ZSCAN21: variants seen among roughly 807,000 people sequenced by gnomAD.
ZSCAN21 encodes zinc finger and SCAN domain containing 21, also known as zinc finger and SCAN domain-containing protein 21.
A neutral mutation model predicts 35.6 loss-of-function variants in ZSCAN21; 26 were observed. The observed-to-expected ratio is 0.73, with a 90% confidence interval of 0.54 to 1.01. The LOEUF (loss-of-function observed/expected upper bound fraction) is 1.01. Among genes scored for constraint, ZSCAN21 ranks in the 50% least tolerant of loss-of-function variants. The probability of loss-of-function intolerance (pLI) is 0.00; values close to 1 mark genes in which losing one functional copy is unlikely to be tolerated. For synonymous variants in ZSCAN21, 219 were observed against 219.3 expected (o/e 1.00, Z 0.01); for missense variants, 593 against 587.1 (o/e 1.01, Z -0.10).
Position 100,063,897 on chromosome 7 carries a change from G to T in ZSCAN21, c.702G>T (p.Glu234Asp). The T allele has an allele frequency of 6.2e-7, 1 of 1,614,070 alleles. No homozygotes were observed. Among genetic ancestry groups the T allele is most frequent in the South Asian group, 1.1e-5 (1 of 91,084 alleles). The part of the protein sequence containing the change: ...IISVIIANKP[E>D]ASLERQCVNL... ...CTGTGATTATCGCCAATAAACCTGA[G>T]GCCAGCTTAGAGAGGCAGTGCGTAA... The change falls in exon 4 of 4, where the codon GAG (glutamate) becomes GAT (aspartate). Residue 234 changes from glutamate to aspartate, a missense_variant. Glu to Asp is a conservative substitution (Grantham distance 45). Transcript: ENST00000292450.
At position 100,064,578 on chromosome 7, in the gene ZSCAN21, A is replaced by G. The variant is rs186209214; in HGVS notation, c.1383A>G (p.Lys461=). Residue 461 remains lysine, a synonymous_variant, in exon 4 of 4, where the codon AAA becomes AAG. Transcript: ENST00000292450. ...KTFCSKSNLS[K]HQRVHTGEGE... The stretch of plus-strand genomic sequence containing the variant: ...TCTGTAGCAAGTCCAATCTTTCCAA[A>G]CATCAGCGAGTCCACACTGGAGAGG... 6.4e-4 allele frequency: 1,030 copies of G among 1,614,200 alleles called. 6 individuals carry two copies. Among genetic ancestry groups the G allele is most frequent in the Non-Finnish European group, 1.7e-4 (199 of 1,180,026 alleles).
intron 3 of ZSCAN21, among the ~76,000 whole-genome samples, chr7:100,060,679 C>T (rs1792252783): frequency 6.6e-6 from 1 of 150,728 alleles, no homozygotes; most frequent in African/African-American, 2.4e-5. Context: ...CCAGCCTGGC[C>T]AACATAGTGA....
At chr7:100,050,438 G>A (rs1037470762) in intron 1 of ZSCAN21, among the ~76,000 whole-genome samples, 2 of 152,204 alleles carry the variant, frequency 1.3e-5, no homozygotes, top group African/African-American at 4.8e-5. Flanking sequence ...CAGGCGCGGT[G>A]GCTCACGCCT....
In ZSCAN21 at chr7:100,064,923, A is replaced by C. The variant is rs370786553; in HGVS notation, c.*306A>C. 13 of 1,612,628 alleles carry C rather than the reference A, an allele frequency of 8.1e-6. No individual in the cohort carries two copies. The highest frequency in any genetic ancestry group is 1.1e-5 in the Non-Finnish European group (13 of 1,179,498). ...AGACGTGTATCCAGTCTAGTTAAGG[A>C]AGAAACATTAAGATTGTTTAATTTT... On this transcript the variant is annotated 3_prime_UTR_variant, in exon 4 of 4. Transcript: ENST00000292450.
chr7:100,064,506 C>T lies in ZSCAN21; in HGVS notation c.1311C>T (p.Ile437=), dbSNP rs372210258. 1.2e-5 allele frequency: 20 copies of T among 1,613,976 alleles called. No individual in the cohort carries two copies. Among genetic ancestry groups the T allele is most frequent in the Non-Finnish European group, 1.7e-5 (20 of 1,180,026 alleles). The change falls in exon 4 of 4, where the codon ATC becomes ATT. Residue 437 remains isoleucine, a synonymous_variant. Coordinates refer to ENST00000292450, the MANE Select transcript of ZSCAN21 (RefSeq NM_145914.3). ...HSSNFNKHHR[I]HTGEKPYWCH... ...CCAACTTCAATAAACACCACAGAAT[C>T]CACACCGGGGAAAAGCCCTACTGGT...
Position 100,051,178 on chromosome 7 carries a change from C to CAAAAAAAAAAAAAAAAAAAAAAAA in ZSCAN21, c.-97+1339_-97+1362dup, listed in dbSNP as rs369246193. 1.7e-3 allele frequency among the ~76,000 whole-genome samples: 70 copies of CAAAAAAAAAAAAAAAAAAAAAAAA among 41,360 alleles called. 2 individuals carry two copies. Among genetic ancestry groups the CAAAAAAAAAAAAAAAAAAAAAAAA allele is most frequent in the Non-Finnish European group, 2.2e-3 (50 of 23,128 alleles). 27.1% of individuals were successfully genotyped at this position (41,360 alleles called of 152,430 possible). ...GGGAAACAAGAGTGAAACTACGTCT[C>CAAAAAAAAAAAAAAAAAAAAAAAA]AAAAAAAAAAAAAAAAAAAAAAAAA... On this transcript the variant is annotated intron_variant, in intron 1 of 3. Coordinates refer to ENST00000292450, the MANE Select transcript of ZSCAN21 (RefSeq NM_145914.3).
Position 100,064,873 on chromosome 7 carries a change from A to G in ZSCAN21, c.*256A>G, listed in dbSNP as rs1255278612. The G allele has an allele frequency of 6.2e-7, 1 of 1,607,922 alleles. No homozygotes were observed. The highest frequency in any genetic ancestry group is 1.1e-5 in the South Asian group (1 of 90,700). ...ACTTAGGGTCCCAGTAAGCCATGCC[A>G]GCATTACCTTTTGCGTAGTTAAACA... is the stretch of plus-strand genomic sequence containing the variant. On this transcript the variant is annotated 3_prime_UTR_variant, in exon 4 of 4. Transcript: ENST00000292450.
At chr7:100,059,777 T>A (rs1344935888) in intron 3 of ZSCAN21, among the ~76,000 whole-genome samples, 2 of 151,770 alleles carry the variant, frequency 1.3e-5, no homozygotes, top group African/African-American at 4.8e-5. Flanking sequence ...TGGCGCTATA[T>A]CGGCTCACCG....
intron 3 of ZSCAN21, among the ~76,000 whole-genome samples, chr7:100,059,268 A>G (rs1418432678): frequency 6.6e-6 from 1 of 152,250 alleles, no homozygotes; most frequent in Admixed American, 6.5e-5. Context: ...TAAATTCTTC[A>G]TGGTTTATGG....
In ZSCAN21 at chr7:100,057,102, A is replaced by C; in HGVS notation, c.96A>C (p.Glu32Asp). ...TGATGGTAAAAGTCGAGGAGAAAGAAGAGAAAGGCAAGTACCTTCCTAGCC... is the reference window on the plus strand; with the variant it reads ...TGATGGTAAAAGTCGAGGAGAAAGACGAGAAAGGCAAGTACCTTCCTAGCC... ...GPLMVKVEEKEEKGKYLPSLE... is the reference protein window; with the variant it reads ...GPLMVKVEEKDEKGKYLPSLE... Residue 32 changes from glutamate (E) to aspartate (D), a missense_variant, in exon 2 of 4, where the codon GAA becomes GAC. Coordinates refer to ENST00000292450, the MANE Select transcript of ZSCAN21 (RefSeq NM_145914.3). 1 of 1,614,172 alleles carries C rather than the reference A, an allele frequency of 6.2e-7. No homozygotes were observed. The highest frequency in any genetic ancestry group is 8.5e-7 in the Non-Finnish European group (1 of 1,180,028).
rs1431845302 is a variant in ZSCAN21 at position 100,064,830 on chromosome 7, G to A, written c.*213G>A. ...GTTCCACACTCGCCAGTTCACTGGA[G>A]CAGAGTCCCTTCGCCACACTTAGGG... On this transcript the variant is annotated 3_prime_UTR_variant, in exon 4 of 4. Coordinates refer to ENST00000292450, the MANE Select transcript of ZSCAN21 (RefSeq NM_145914.3). 4 of 1,614,068 alleles carry A rather than the reference G, an allele frequency of 2.5e-6. No individual in the cohort carries two copies. The highest frequency in any genetic ancestry group is 2.2e-5 in the East Asian group (1 of 44,892).
In ZSCAN21 at chr7:100,063,882, C is replaced by T. The variant is rs376989058; in HGVS notation, c.687C>T (p.Ile229=). The T allele has an allele frequency of 2.4e-5, 38 of 1,613,964 alleles. No homozygotes were observed. Among genetic ancestry groups the T allele is most frequent in the African/African-American group, 5.3e-5 (4 of 74,910 alleles). The change falls in exon 4 of 4, where the codon ATC becomes ATT. Residue 229 remains isoleucine, a synonymous_variant. Transcript: ENST00000292450. The part of the protein sequence containing the change: ...GLKGDIISVI[I]ANKPEASLER... ...AAGGGGATATAATTTCTGTGATTATCGCCAATAAACCTGAGGCCAGCTTAG... is the reference window on the plus strand; with the variant it reads ...AAGGGGATATAATTTCTGTGATTATTGCCAATAAACCTGAGGCCAGCTTAG...
chr7:100,062,304 T>TA (rs1191225986), intron 3 of ZSCAN21, among the ~76,000 whole-genome samples: 2 of 147,998 alleles, frequency 1.4e-5, no homozygotes, highest in Non-Finnish European at 3.0e-5. Context: ...TTTTTTTTTT[T>TA]AAAGGGCCGG....
At chr7:100,054,167 G>A (rs983892668) in intron 1 of ZSCAN21, among the ~76,000 whole-genome samples, 3 of 152,116 alleles carry the variant, frequency 2.0e-5, no homozygotes, top group Middle Eastern at 3.4e-3. Context: ...GGGCACTCCT[G>A]TGGTATGTAC....
intron 1 of ZSCAN21, among the ~76,000 whole-genome samples, chr7:100,052,450 TAAAA>T (rs111763077): frequency 6.8e-6 from 1 of 146,192 alleles, no homozygotes; most frequent in East Asian, 2.0e-4. Flanking sequence ...AAAATTAAAT[TAAAA>T]AAAAAAAGTG....
At chr7:100,056,101 G>A (rs1345769481) in intron 1 of ZSCAN21, among the ~76,000 whole-genome samples, 1 of 149,548 alleles carries the variant, frequency 6.7e-6, no homozygotes, top group Non-Finnish European at 1.5e-5. Context: ...CACCACGCCT[G>A]GCTAATTTTT....
At chr7:100,057,995 T>C in intron 3 of ZSCAN21, 105 bp downstream of exon 3, 1 of 1,098,172 alleles carries the variant, frequency 9.1e-7, no homozygotes. Flanking sequence ...ATAGATTGAC[T>C]TGATTAGTTG....
chr7:100,059,107 G>C (rs1040192413), intron 3 of ZSCAN21, among the ~76,000 whole-genome samples: 1 of 152,208 alleles, frequency 6.6e-6, no homozygotes, highest in Non-Finnish European at 1.5e-5. Flanking sequence ...ATTTATGTGT[G>C]TGGTGTGATT....
At chr7:100,059,545 TAA>T (rs1339515644) in intron 3 of ZSCAN21, among the ~76,000 whole-genome samples, 1 of 135,836 alleles carries the variant, frequency 7.4e-6, no homozygotes, top group Non-Finnish European at 1.5e-5. Context: ...AAGCTTTGCA[TAA>T]AGTCTTTTTT....
Sources: gnomAD v4.1 joint callset for allele counts (sites outside exome capture counted in the v4.1 genomes callset) on GRCh38, gnomAD v4.1.1 for gene constraint, MANE v1.5 for transcripts, NCBI Gene and HGNC (gene_info 2026-07-23, HGNC 2026-07-21) for gene names.